The following PKHD1L1 variants were observed in gnomAD, a reference collection of about 807,000 sequenced individuals.
PKHD1L1 encodes the protein PKHD1 like 1.
A neutral mutation model predicts 462.9 loss-of-function variants in PKHD1L1; 434 were observed. The observed-to-expected ratio is 0.94, with a 90% CI of 0.87 to 1.02. The LOEUF is 1.02. Ranked by LOEUF, PKHD1L1 falls within the 50% of genes least tolerant of loss-of-function variation. PKHD1L1 has a pLI of 0.00. For synonymous variants in PKHD1L1, 1,781 were observed against 1,750.0 expected (o/e 1.02, Z -0.44); for missense variants, 5,202 against 5,096.1 (o/e 1.02, Z -0.63).
intron 73 of PKHD1L1, 125 bp from the exon 74 acceptor site, chr8:109,522,061 C>A: frequency 1.1e-6 from 1 of 947,932 alleles, no homozygotes; most frequent in Non-Finnish European, 1.5e-6. Flanking sequence ...TCAGGTAAGA[C>A]TAGAAAGCCT....
chr8:109,452,513 G>GGTTTAA (rs1816587353), intron 42 of PKHD1L1, among the ~76,000 whole-genome samples: 1 of 151,008 alleles, frequency 6.6e-6, no homozygotes, highest in South Asian at 2.1e-4. Context: ...TTTTAAACTT[G>GGTTTAA]ATCATTATTG....
chr8:109,425,401 G>A (rs971525771), intron 24 of PKHD1L1, among the ~76,000 whole-genome samples, 169 bp downstream of exon 24: 6 of 151,590 alleles, frequency 4.0e-5, no homozygotes, highest in African/African-American at 1.4e-4. Flanking sequence ...AGTCACACAT[G>A]CATATATATT....
At chr8:109,384,537 GA>G (rs1007604505) in intron 5 of PKHD1L1, among the ~76,000 whole-genome samples, 19 of 151,846 alleles carry the variant, frequency 1.3e-4, no homozygotes, top group Non-Finnish European at 2.1e-4. Context: ...TGAAAAAAAA[GA>G]AAAAAGTACC....
intron 73 of PKHD1L1, among the ~76,000 whole-genome samples, chr8:109,521,601 C>T (rs1053233513): frequency 6.6e-6 from 1 of 152,034 alleles, no homozygotes; most frequent in African/African-American, 2.4e-5. Flanking sequence ...AGGTAAGGAG[C>T]ACTGTGGGGG....
At chr8:109,451,897 C>A (rs1162241827) in intron 41 of PKHD1L1, among the ~76,000 whole-genome samples, 1 of 152,270 alleles carries the variant, frequency 6.6e-6, no homozygotes, top group Admixed American at 6.5e-5. Flanking sequence ...ACTGGAACAT[C>A]TGCTAGTTAC....
intron 46 of PKHD1L1, among the ~76,000 whole-genome samples, chr8:109,457,311 G>T (rs931559263): frequency 1.3e-5 from 2 of 152,076 alleles, no homozygotes; most frequent in Admixed American, 6.6e-5. Context: ...TGCTCATTTT[G>T]TTCTGCCCTT....
chr8:109,415,873 GT>G (rs1726475969), intron 21 of PKHD1L1, among the ~76,000 whole-genome samples: 3 of 147,112 alleles, frequency 2.0e-5, no homozygotes, highest in Non-Finnish European at 3.0e-5. Context: ...GGGTGTGTGT[GT>G]GTGTGTGTGT....
In PKHD1L1 at chr8:109,362,474, C is replaced by T. The variant is rs1457428247; in HGVS notation, c.-107C>T. ...GAGGGCGGCCCAGTTCCCCAGCTCT[C>T]CCGGGACGAAGCGGGCCCGCCAGCG... On this transcript the variant is annotated 5_prime_UTR_variant, in exon 1 of 78. Transcript: ENST00000378402. The T allele has an allele frequency of 2.6e-6, 3 of 1,157,564 alleles. No individual in the cohort carries two copies. Among genetic ancestry groups the T allele is most frequent in the African/African-American group, 3.1e-5 (2 of 65,238 alleles). The allele number at this position is 1,157,564 out of a possible 1,614,324, so 71.7% of individuals were successfully genotyped here.
intron 57 of PKHD1L1, among the ~76,000 whole-genome samples, chr8:109,484,600 G>A (rs1818432958): frequency 6.6e-6 from 1 of 151,830 alleles, no homozygotes; most frequent in Admixed American, 6.6e-5. Flanking sequence ...CAAAGTTCTA[G>A]GACTCAGCCT....
intron 2 of PKHD1L1, among the ~76,000 whole-genome samples, chr8:109,370,675 C>T (rs1461964494): frequency 1.2e-4 from 18 of 152,150 alleles, no homozygotes; most frequent in Admixed American, 8.5e-4. Context: ...CAACCCACAA[C>T]AGGCCCCAGT....
intron 25 of PKHD1L1, among the ~76,000 whole-genome samples, chr8:109,428,788 G>T (rs1332003256): frequency 6.6e-6 from 1 of 152,130 alleles, no homozygotes; most frequent in Non-Finnish European, 1.5e-5. Context: ...ACATCAGAAG[G>T]TTGCCATATT....
In PKHD1L1 at chr8:109,477,325, T is replaced by A; in HGVS notation, c.9018T>A (p.Ile3006=). Residue 3006 remains isoleucine (I), a synonymous_variant, in exon 53 of 78, where the codon ATT becomes ATA. Coordinates refer to ENST00000378402, the MANE Select transcript of PKHD1L1 (RefSeq NM_177531.6). ...TTAATTTCCAAGCTTACTGTTGTAT[T>A]CTCCAGGATTGCTTTCCTGTACATC... ...VVINFQAYCC[I]LQDCFPVHPP... is the part of the protein sequence containing the mutation. 6.2e-7 allele frequency: 1 copy of A among 1,613,566 alleles called. No homozygotes were observed. The highest frequency in any genetic ancestry group is 2.2e-5 in the East Asian group (1 of 44,846).
intron 24 of PKHD1L1, among the ~76,000 whole-genome samples, chr8:109,426,679 G>A (rs182612119): frequency 1.0e-3 from 151 of 151,712 alleles, no homozygotes; most frequent in Admixed American, 4.5e-3. Flanking sequence ...TTTTTGAGAC[G>A]GAGTCTCGCT....
chr8:109,445,103 A>G lies in PKHD1L1; in HGVS notation c.5234A>G (p.Glu1745Gly). The change falls in exon 38 of 78, where the codon GAA (glutamate) becomes GGA (glycine). Residue 1745 changes from glutamate to glycine, a missense_variant. Coordinates refer to ENST00000378402, the MANE Select transcript of PKHD1L1 (RefSeq NM_177531.6). ...GGAAACTGCACCTTTTCATACTTAG[A>G]AAGCATCACTCCTTACATAACAGGA... Reference protein sequence around the residue: ...CQGNCTFSYLESITPYITGVF... With the variant: ...CQGNCTFSYLGSITPYITGVF... The G allele has an allele frequency of 6.2e-7, 1 of 1,613,996 alleles. No individual in the cohort carries two copies. Among genetic ancestry groups the G allele is most frequent in the Non-Finnish European group, 8.5e-7 (1 of 1,179,890 alleles).
At chr8:109,514,798 T>C (rs1207927401) in intron 71 of PKHD1L1, among the ~76,000 whole-genome samples, 1 of 152,110 alleles carries the variant, frequency 6.6e-6, no homozygotes, top group Non-Finnish European at 1.5e-5. Context: ...CAACGTTAAG[T>C]ACCTAATTTT....
chr8:109,500,242 C>A (rs1338211484), intron 67 of PKHD1L1, among the ~76,000 whole-genome samples: 2 of 152,146 alleles, frequency 1.3e-5, no homozygotes, highest in Non-Finnish European at 1.5e-5. Flanking sequence ...GGTCACCCTG[C>A]CATAGCTGGT....
At chr8:109,415,140 C>T (rs1408741959) in intron 21 of PKHD1L1, among the ~76,000 whole-genome samples, 1 of 151,870 alleles carries the variant, frequency 6.6e-6, no homozygotes, top group Middle Eastern at 3.4e-3. Context: ...GTAGCTGGGA[C>T]TGCAGGTGTG....
intron 13 of PKHD1L1, 125 bp from the exon 14 acceptor site, chr8:109,401,372 G>A (rs1473144303): frequency 1.6e-6 from 1 of 614,536 alleles, no homozygotes; most frequent in South Asian, 2.2e-5. Context: ...AAAATATAAA[G>A]TAGTTTTACA....
Position 109,497,225 on chromosome 8 carries a change from C to T in PKHD1L1, c.10552C>T (p.Pro3518Ser). The T allele has an allele frequency of 6.2e-7, 1 of 1,613,072 alleles. No individual in the cohort carries two copies. Among genetic ancestry groups the T allele is most frequent in the Non-Finnish European group, 8.5e-7 (1 of 1,179,400 alleles). Residue 3518 changes from proline (P) to serine (S), a missense_variant, in exon 65 of 78, where the codon CCA becomes TCA. This residue lies in a region of PKHD1L1 where 4,497 missense variants were observed against 4,336.8 expected (regional missense o/e 1.04). Coordinates refer to ENST00000378402, the MANE Select transcript of PKHD1L1 (RefSeq NM_177531.6). ...GGCCATTTTTCCAATGATTTACATGCCAGCTGCTATATCACACAAAATTTC... is the reference window on the plus strand; with the variant it reads ...GGCCATTTTTCCAATGATTTACATGTCAGCTGCTATATCACACAAAATTTC... ...GMAIFPMIYM[P>S]AAISHKISSK...
Sources: gnomAD v4.1 joint callset for allele counts (sites outside exome capture counted in the v4.1 genomes callset) on GRCh38, gnomAD v4.1.1 for gene constraint, gnomAD v4.1.1 regional missense constraint, MANE v1.5 for transcripts, NCBI Gene and HGNC (gene_info 2026-07-23, HGNC 2026-07-21) for gene names.